EVI5: variants seen among roughly 807,000 people sequenced by gnomAD.
The protein encoded by EVI5 is ecotropic viral integration site 5.
In EVI5, 73 loss-of-function variants were observed where a neutral mutation model predicts 112.0. That is an observed-to-expected ratio of 0.65 (90% CI 0.54 to 0.79). The LOEUF is 0.79. Among genes scored for constraint, EVI5 ranks in the 30% least tolerant of loss-of-function variants. The pLI, the probability that EVI5 is intolerant of heterozygous loss-of-function variation, is 0.00. For synonymous variants in EVI5, 305 were observed against 319.9 expected, an observed-to-expected ratio of 0.95 and a Z score of 0.50; for missense variants, 900 against 968.8, an observed-to-expected ratio of 0.93 and a Z score of 0.94.
intron 14 of EVI5, among the ~76,000 whole-genome samples, chr1:92,635,263 G>A (rs1024667094): frequency 2.6e-5 from 4 of 152,166 alleles, no homozygotes; most frequent in Non-Finnish European, 2.9e-5. Context: ...GATTCGCTAT[G>A]CCCTGCCCCC....
chr1:92,687,235 A>G (rs1435431861), intron 9 of EVI5, among the ~76,000 whole-genome samples: 4 of 152,142 alleles, frequency 2.6e-5, no homozygotes, highest in East Asian at 1.9e-4. Flanking sequence ...AAATAACACC[A>G]CACATCTACA....
At chr1:92,575,037 T>C (rs1033977842) in intron 18 of EVI5, among the ~76,000 whole-genome samples, 3 of 152,172 alleles carry the variant, frequency 2.0e-5, no homozygotes, top group African/African-American at 4.8e-5. Context: ...GATGCATAAC[T>C]GAAGTAGTAG....
chr1:92,586,498 T>A (rs908830312), intron 18 of EVI5, among the ~76,000 whole-genome samples: 14 of 150,724 alleles, frequency 9.3e-5, no homozygotes, highest in South Asian at 8.4e-4. Context: ...TACTTCAAAA[T>A]TTTTTTTTTC....
intron 13 of EVI5, among the ~76,000 whole-genome samples, chr1:92,652,131 G>A (rs1662242166): frequency 1.3e-5 from 2 of 152,072 alleles, no homozygotes; most frequent in African/African-American, 4.8e-5. Flanking sequence ...TGAACAAAAC[G>A]TAGTATATAC....
intron 1 of EVI5, among the ~76,000 whole-genome samples, chr1:92,760,530 G>C (rs527323132): frequency 1.3e-5 from 2 of 151,802 alleles, no homozygotes; most frequent in African/African-American, 2.4e-5. Context: ...TCAGGAGTTC[G>C]AGACCAGCCT....
chr1:92,518,343 C>T (rs901779136), intron 19 of EVI5, among the ~76,000 whole-genome samples: 1 of 152,060 alleles, frequency 6.6e-6, no homozygotes, highest in African/African-American at 2.4e-5. Flanking sequence ...AAATGAGACA[C>T]GGGTTTTTTA....
chr1:92,521,221 C>CA (rs1363915674), intron 19 of EVI5, among the ~76,000 whole-genome samples: 2 of 152,110 alleles, frequency 1.3e-5, no homozygotes, highest in Admixed American at 6.5e-5. Flanking sequence ...CTTTGCCTCT[C>CA]AAAGTGCTGA....
chr1:92,725,882 A>G (rs1387445822), intron 2 of EVI5, among the ~76,000 whole-genome samples: 1 of 152,230 alleles, frequency 6.6e-6, no homozygotes, highest in African/African-American at 2.4e-5. Context: ...TATATATTCA[A>G]AAGTTTAATA....
intron 1 of EVI5, among the ~76,000 whole-genome samples, chr1:92,763,575 AC>A (rs1470717936): frequency 6.6e-6 from 1 of 152,116 alleles, no homozygotes; most frequent in African/African-American, 2.4e-5. Context: ...TGATCATGCC[AC>A]TACACTCTGG....
Position 92,625,929 on chromosome 1 carries a change from A to C in EVI5, c.1533T>G (p.Asn511Lys). Residue 511 changes from asparagine to lysine, a missense_variant, in exon 15 of 20, where the codon AAT (asparagine) becomes AAG (lysine). Transcript: ENST00000684568. ...TATTATTCTCATCAGGAAGGGAGTT[A>C]TTCCTCTAAAGAAGAAGAAAATTTA... is the stretch of plus-strand genomic sequence containing the variant. Reference protein sequence around the residue: ...QDKVLDIEKRNNSLPDENNIA... With the variant: ...QDKVLDIEKRKNSLPDENNIA... 1.3e-6 allele frequency: 2 copies of C among 1,595,218 alleles called. No individual in the cohort carries two copies. The highest frequency in any genetic ancestry group is 1.7e-6 in the Non-Finnish European group (2 of 1,165,934).
At chr1:92,734,983 G>A (rs1282232737) in intron 2 of EVI5, among the ~76,000 whole-genome samples, 2 of 152,164 alleles carry the variant, frequency 1.3e-5, no homozygotes, top group African/African-American at 4.8e-5. Context: ...CATACCAAGT[G>A]TTGACAAGGA....
intron 18 of EVI5, among the ~76,000 whole-genome samples, chr1:92,578,716 TAAA>T (rs71586756): frequency 3.3e-5 from 4 of 121,596 alleles, no homozygotes; most frequent in Non-Finnish European, 3.5e-5. Flanking sequence ...AGACTCTGTC[TAAA>T]AAAAAAAAAA....
intron 1 of EVI5, among the ~76,000 whole-genome samples, chr1:92,772,413 A>G (rs112783550): frequency 0.037 from 5,537 of 151,360 alleles, 174 homozygotes; most frequent in African/African-American, 0.087. Flanking sequence ...TGGCTAACAC[A>G]GTGAAACCCT....
intron 9 of EVI5, among the ~76,000 whole-genome samples, chr1:92,689,355 A>C (rs1015536626): frequency 6.6e-6 from 1 of 152,156 alleles, no homozygotes; most frequent in African/African-American, 2.4e-5. Context: ...CACTGATGAC[A>C]AAGTAGAACA....
chr1:92,592,482 T>C (rs942007422), intron 18 of EVI5, among the ~76,000 whole-genome samples: 2 of 152,236 alleles, frequency 1.3e-5, no homozygotes, highest in South Asian at 2.1e-4. Context: ...GATCTAAAAT[T>C]GACACCCTAA....
At chr1:92,556,586 C>T (rs1667716611) in intron 19 of EVI5, among the ~76,000 whole-genome samples, 1 of 152,074 alleles carries the variant, frequency 6.6e-6, no homozygotes, top group Non-Finnish European at 1.5e-5. Flanking sequence ...AACCTACTGA[C>T]AATGTTAAGT....
rs1383900164 is a variant in EVI5 at position 92,614,858 on chromosome 1, A to AG, written c.1828-7132_1828-7131insC. Among the ~76,000 whole-genome samples, 36 of 4,050 alleles carry AG rather than the reference A, an allele frequency of 8.9e-3. No individual in the cohort carries two copies. In the East Asian group the frequency reaches 0.2, roughly 23 times the overall value. 2.7% of individuals were successfully genotyped at this position (4,050 alleles called of 152,430 possible). Reference sequence around the variant, plus strand: ...TTATATTTTATATATATATATATATATATATATATATATATATATATATAT... The same window carrying AG: ...TTATATTTTATATATATATATATATAGTATATATATATATATATATATATAT... On this transcript the variant is annotated intron_variant, in intron 16 of 19. Transcript: ENST00000684568.
intron 1 of EVI5, among the ~76,000 whole-genome samples, chr1:92,755,073 T>TG (rs1558208205): frequency 6.3e-4 from 7 of 11,052 alleles, no homozygotes; most frequent in Middle Eastern, 0.045. Context: ...CATAGGTTTT[T>TG]TTTTTTTTTT....
intron 2 of EVI5, among the ~76,000 whole-genome samples, chr1:92,721,884 T>A (rs1295834751): frequency 6.6e-6 from 1 of 152,156 alleles, no homozygotes; most frequent in African/African-American, 2.4e-5. Flanking sequence ...TAAATTCAAC[T>A]TTGGTCACTT....
Sources: allele counts gnomAD v4.1 joint callset (sites outside exome capture counted in the v4.1 genomes callset), GRCh38; gene constraint gnomAD v4.1.1; transcripts MANE v1.5; gene names NCBI Gene and HGNC (gene_info 2026-07-23, HGNC 2026-07-21).